The following EYS variants were observed in gnomAD, a reference collection of about 807,000 sequenced individuals.
The protein encoded by EYS is protein eyes shut homolog.
EYS carries 250 observed loss-of-function variants against 282.1 expected under a neutral mutation model. The observed-to-expected ratio is 0.89, with a 90% CI of 0.80 to 0.98. The LOEUF is 0.98. EYS is among the 50% of genes least tolerant of loss of function. The probability of loss-of-function intolerance (pLI) is 0.00; values close to 1 mark genes in which losing one functional copy is unlikely to be tolerated. For missense variants in EYS, 4,016 were observed against 3,709.0 expected, an observed-to-expected ratio of 1.08 and a Z score of -2.15; for synonymous variants, 1,355 against 1,282.9, an observed-to-expected ratio of 1.06 and a Z score of -1.20.
chr6:64,598,436 G>GGGCGACAGTGCGAGACTCC (rs1766657510), intron 24 of EYS, among the ~76,000 whole-genome samples: 1 of 152,222 alleles, frequency 6.6e-6, no homozygotes, highest in Admixed American at 6.5e-5. Context: ...ACTCCAGGCT[G>GGGCGACAGTGCGAGACTCC]GGCGACAGTG....
At chr6:65,473,806 C>T (rs978906090) in intron 5 of EYS, among the ~76,000 whole-genome samples, 1 of 150,262 alleles carries the variant, frequency 6.7e-6, no homozygotes, top group Non-Finnish European at 1.5e-5. Flanking sequence ...AAAATTTCCT[C>T]CACAGGAAAA....
At chr6:65,340,308 T>C (rs1379937149) in intron 10 of EYS, among the ~76,000 whole-genome samples, 1 of 151,094 alleles carries the variant, frequency 6.6e-6, no homozygotes, top group Non-Finnish European at 1.5e-5. Flanking sequence ...TGTGTTTCCA[T>C]TCCAGAAGCA....
chr6:65,259,280 T>C (rs1767554864), intron 12 of EYS, among the ~76,000 whole-genome samples: 1 of 151,978 alleles, frequency 6.6e-6, no homozygotes, highest in African/African-American at 2.4e-5. Flanking sequence ...TGGTAACAAA[T>C]GAAGTTGCAA....
Position 63,870,284 on chromosome 6 carries a change from C to T in EYS, c.7056-5926G>A, listed in dbSNP as rs73436904. ...ATTCCCCTGACCTCAGTAATGTTCACATACACACAGTTTCTACTCAACTGT... is the reference window on the plus strand; with the variant it reads ...ATTCCCCTGACCTCAGTAATGTTCATATACACACAGTTTCTACTCAACTGT... On this transcript the variant is annotated intron_variant, in intron 35 of 42. Coordinates refer to ENST00000503581, the MANE Select transcript of EYS (RefSeq NM_001142800.2). Among the ~76,000 whole-genome samples the T allele has an allele frequency of 2.9e-3, 441 of 152,308 alleles. 2 individuals carry two copies. The highest frequency in any genetic ancestry group is 0.01 in the African/African-American group (428 of 41,568).
At chr6:65,355,003 T>C (rs567547563) in intron 8 of EYS, among the ~76,000 whole-genome samples, 1 of 152,270 alleles carries the variant, frequency 6.6e-6, no homozygotes, top group South Asian at 2.1e-4. Flanking sequence ...CAAATGGCAT[T>C]AACCAATCTT....
intron 22 of EYS, among the ~76,000 whole-genome samples, chr6:64,761,163 A>G (rs951529655): frequency 2.6e-5 from 4 of 152,170 alleles, no homozygotes; most frequent in African/African-American, 9.7e-5. Flanking sequence ...TTCTCCAGGA[A>G]ATTGGAAACT....
chr6:65,669,222 C>T (rs1582584024), intron 1 of EYS, among the ~76,000 whole-genome samples: 1 of 151,788 alleles, frequency 6.6e-6, no homozygotes, highest in South Asian at 2.1e-4. Flanking sequence ...AAACTACAGG[C>T]GATGAATGTG....
chr6:65,034,843 C>T (rs967223517), intron 13 of EYS, among the ~76,000 whole-genome samples: 16 of 152,096 alleles, frequency 1.1e-4, no homozygotes, highest in African/African-American at 3.9e-4. Context: ...GAGAAAGGAC[C>T]CCTTTCTAAC....
At chr6:64,308,845 CA>C (rs1233288129) in intron 29 of EYS, among the ~76,000 whole-genome samples, 3 of 152,010 alleles carry the variant, frequency 2.0e-5, no homozygotes, top group Non-Finnish European at 4.4e-5. Flanking sequence ...AGTAAGTTTA[CA>C]AACAAGTCAA....
At chr6:64,749,250 A>G (rs942342434) in intron 22 of EYS, among the ~76,000 whole-genome samples, 4 of 152,326 alleles carry the variant, frequency 2.6e-5, no homozygotes, top group East Asian at 1.9e-4. Flanking sequence ...ATTGTAACAG[A>G]CTATTGATGT....
intron 31 of EYS, among the ~76,000 whole-genome samples, chr6:64,144,882 C>T (rs1053504112): frequency 6.6e-6 from 1 of 152,118 alleles, no homozygotes; most frequent in Non-Finnish European, 1.5e-5. Flanking sequence ...TTCTATGATA[C>T]TGTGAACAAG....
In EYS at chr6:64,372,130, G is replaced by GTTTTTT. The variant is rs201498090; in HGVS notation, c.6078+16554_6078+16559dup. Among the ~76,000 whole-genome samples the GTTTTTT allele has an allele frequency of 3.2e-3, 309 of 97,656 alleles. 8 individuals are homozygous for GTTTTTT. The highest frequency in any genetic ancestry group is 6.8e-3 in the Middle Eastern group (1 of 146). The allele number at this position is 97,656 out of a possible 152,430, so 64.1% of individuals were successfully genotyped here. A position where few individuals can be genotyped will look rare whatever the true frequency, so the allele number is the denominator to read the frequency against. On this transcript the variant is annotated intron_variant, in intron 29 of 42. Transcript: ENST00000503581. ...TAGCATCACTGGTCTGTATACTTGT[G>GTTTTTT]TTTTTTTTTTTTTTTTTTTTTTTTT...
intron 12 of EYS, among the ~76,000 whole-genome samples, chr6:65,093,302 G>A (rs1774628496): frequency 6.6e-6 from 1 of 151,818 alleles, no homozygotes; most frequent in African/African-American, 2.4e-5. Context: ...AAGGAATTCT[G>A]AAAGAATACT....
intron 28 of EYS, among the ~76,000 whole-genome samples, chr6:64,416,079 G>A (rs1774050466): frequency 6.6e-6 from 1 of 152,112 alleles, no homozygotes; most frequent in South Asian, 2.1e-4. Context: ...CTAGAAAACT[G>A]AATTGGAGGC....
chr6:64,911,560 G>A (rs908958518), intron 16 of EYS, among the ~76,000 whole-genome samples: 2 of 152,090 alleles, frequency 1.3e-5, no homozygotes, highest in Admixed American at 1.3e-4. Context: ...GAGTAAATAA[G>A]TGATATCCTT....
chr6:65,498,181 C>T (rs941070336), intron 2 of EYS, among the ~76,000 whole-genome samples: 5 of 151,924 alleles, frequency 3.3e-5, no homozygotes, highest in Admixed American at 1.3e-4. Context: ...CTTGTGCATA[C>T]GCTCAGTTTA....
At position 63,726,519 on chromosome 6, in the gene EYS, C is replaced by G; in HGVS notation, c.8233G>C (p.Gly2745Arg). Reference protein sequence around the residue: ...YAAQHLKAQSGDFLCISLVNS... With the variant: ...YAAQHLKAQSRDFLCISLVNS... ...CAAACAAACAGCCTGCCAATCTTAC[C>G]TGATTGGGCTTTTAAGTGTTGTGCA... Residue 2745 changes from glycine (G) to arginine (R), a missense_variant and splice_region_variant, in exon 42 of 43, where the codon GGT becomes CGT. Coordinates refer to ENST00000503581, the MANE Select transcript of EYS (RefSeq NM_001142800.2). 1 of 1,547,224 alleles carries G rather than the reference C, an allele frequency of 6.5e-7. No homozygotes were observed. The highest frequency in any genetic ancestry group is 8.7e-7 in the Non-Finnish European group (1 of 1,144,934).
chr6:64,263,076 AT>A, intron 30 of EYS, among the ~76,000 whole-genome samples: 1 of 16,638 alleles, frequency 6.0e-5, no homozygotes, highest in Admixed American at 5.9e-4. Flanking sequence ...GTGTAAGGTG[AT>A]GATAGTAAAC....
At chr6:65,153,446 C>A (rs1008449367) in intron 12 of EYS, among the ~76,000 whole-genome samples, 5 of 148,096 alleles carry the variant, frequency 3.4e-5, no homozygotes, top group African/African-American at 7.5e-5. Context: ...TATTTTTGTG[C>A]AGCAATAGAT....
Sources: gnomAD v4.1 joint callset for allele counts (sites outside exome capture counted in the v4.1 genomes callset) on GRCh38, gnomAD v4.1.1 for gene constraint, MANE v1.5 for transcripts, NCBI Gene and HGNC (gene_info 2026-07-23, HGNC 2026-07-21) for gene names.